The following ZMYM5 variants were observed in gnomAD, a reference collection of about 807,000 sequenced individuals.
ZMYM5 encodes the protein zinc finger MYM-type containing 5.
ZMYM5 carries 41 observed loss-of-function variants against 61.8 expected under a neutral mutation model. The observed-to-expected ratio is 0.66, with a 90% CI of 0.52 to 0.86. The LOEUF (loss-of-function observed/expected upper bound fraction) is 0.86, where lower values mean the gene tolerates loss of function less well. ZMYM5 is among the 40% of genes least tolerant of loss of function. ZMYM5 has a pLI of 0.00. For missense variants in ZMYM5, 706 were observed against 786.7 expected (o/e 0.90, Z 1.23); for synonymous variants, 257 against 276.4 (o/e 0.93, Z 0.70).
chr13:19,825,680 C>T (rs1271623487), intron 7 of ZMYM5, among the ~76,000 whole-genome samples: 1 of 150,156 alleles, frequency 6.7e-6, no homozygotes, highest in Non-Finnish European at 1.5e-5. Flanking sequence ...AAAAAGGTGA[C>T]AAGTCCCAAA....
rs752206338 is a variant in ZMYM5 at position 19,837,588 on chromosome 13, T to A, written c.1038+68A>T. On this transcript the variant is annotated intron_variant, in intron 6 of 7. Transcript: ENST00000337963. ...TGCATTATGTAGATGAAAGAGTACA[T>A]AATAGCACTTAAAAGTTAAAATTAT... 2.5e-6 allele frequency: 4 copies of A among 1,606,316 alleles called. No homozygotes were observed. The African/African-American group carries it at 4.0e-5, about 16-fold the overall frequency.
chr13:19,858,577 C>T (rs1052132263), intron 2 of ZMYM5, among the ~76,000 whole-genome samples: 1 of 98,268 alleles, frequency 1.0e-5, no homozygotes, highest in Non-Finnish European at 1.9e-5. Flanking sequence ...GACTGAGAGA[C>T]GCTGTTTCAA....
At chr13:19,844,500 A>G (rs1953006153) in intron 4 of ZMYM5, among the ~76,000 whole-genome samples, 4 of 152,248 alleles carry the variant, frequency 2.6e-5, no homozygotes. Flanking sequence ...GAGAAAATTC[A>G]TTAAAAATTT....
chr13:19,861,609 GT>G (rs1953765338), intron 2 of ZMYM5, among the ~76,000 whole-genome samples: 1 of 152,194 alleles, frequency 6.6e-6, no homozygotes, highest in African/African-American at 2.4e-5. Flanking sequence ...CTAATCACAA[GT>G]TTGTTTTTGA....
chr13:19,826,066 G>C (rs947832913), intron 7 of ZMYM5, among the ~76,000 whole-genome samples: 1 of 116,814 alleles, frequency 8.6e-6, no homozygotes, highest in Non-Finnish European at 1.8e-5. Context: ...AAAAAAAAAA[G>C]AGAGAACAAA....
At position 19,851,343 on chromosome 13, in the gene ZMYM5, C is replaced by T; in HGVS notation, c.586+12G>A. 1 of 1,605,438 alleles carries T rather than the reference C, an allele frequency of 6.2e-7. No homozygotes were observed. The highest frequency in any genetic ancestry group is 8.5e-7 in the Non-Finnish European group (1 of 1,172,082). The stretch of plus-strand genomic sequence containing the variant: ...TTTACTTGAGGTAGAAACAGTATCA[C>T]TTACTGCTTACCAGGACTATGATGA... On this transcript the variant is annotated intron_variant, in intron 4 of 7. Coordinates refer to ENST00000337963, the MANE Select transcript of ZMYM5 (RefSeq NM_001142684.2).
intron 2 of ZMYM5, among the ~76,000 whole-genome samples, chr13:19,856,046 AAACAAC>A (rs977316356): frequency 2.0e-5 from 3 of 151,918 alleles, no homozygotes; most frequent in Non-Finnish European, 4.4e-5. Context: ...AAAAACAAAC[AAACAAC>A]AACAACAACA....
intron 4 of ZMYM5, among the ~76,000 whole-genome samples, chr13:19,845,817 C>T (rs749740640): frequency 3.3e-5 from 5 of 152,174 alleles, no homozygotes; most frequent in Non-Finnish European, 7.3e-5. Context: ...GCCTGGCACA[C>T]TGATGTGTTC....
chr13:19,839,957 G>GA (rs1193310823), intron 4 of ZMYM5, among the ~76,000 whole-genome samples: 1 of 152,136 alleles, frequency 6.6e-6, no homozygotes, highest in African/African-American at 2.4e-5. Flanking sequence ...ATTACTTATA[G>GA]GCGAGATCCT....
rs550736460 is a variant in ZMYM5, at chr13:19,840,946, G to A, written c.587-1961C>T. Among the ~76,000 whole-genome samples, 6 of 150,718 alleles carry A rather than the reference G, an allele frequency of 4.0e-5. No homozygotes were observed. In the East Asian group the frequency reaches 9.8e-4, roughly 25 times the overall value. ...CCCGCCTTGGCCCCCCAAAGTGCTG[G>A]GATTACAGGCCTGAGCCACCGCGCC... On this transcript the variant is annotated intron_variant, in intron 4 of 7. Coordinates refer to ENST00000337963, the MANE Select transcript of ZMYM5 (RefSeq NM_001142684.2).
At chr13:19,830,843 T>C (rs1175736080) in intron 7 of ZMYM5, among the ~76,000 whole-genome samples, 3 of 146,724 alleles carry the variant, frequency 2.0e-5, no homozygotes, top group South Asian at 2.2e-4. Context: ...CTTTTTCTTT[T>C]TTTTTTTTTT....
chr13:19,824,764 T>C lies in ZMYM5; in HGVS notation c.1723A>G (p.Thr575Ala), dbSNP rs761706229. 1 of 1,360,486 alleles carries C rather than the reference T, an allele frequency of 7.4e-7. No individual in the cohort carries two copies. Among genetic ancestry groups the C allele is most frequent in the Non-Finnish European group, 9.8e-7 (1 of 1,018,042 alleles). The allele number at this position is 1,360,486 out of a possible 1,614,324, so 84.3% of individuals were successfully genotyped here. The change falls in exon 8 of 8, where the codon ACT becomes GCT. Residue 575 changes from threonine (T) to alanine (A), a missense_variant. Coordinates refer to ENST00000337963, the MANE Select transcript of ZMYM5 (RefSeq NM_001142684.2). ...GTTGAATAAAGTAACCAGGATCTAG[T>C]GGTTTTTTCACCATTTGGAAGAATC... ...TRILPNGEKT[T>A]RSWLLYSTSK...
At chr13:19,843,228 G>A (rs142444905) in intron 4 of ZMYM5, among the ~76,000 whole-genome samples, 1,822 of 149,972 alleles carry the variant, frequency 0.012, 37 homozygotes, top group African/African-American at 0.041. Flanking sequence ...AGTGATTCTC[G>A]TGCCTCAGTC....
chr13:19,845,381 T>C (rs1249540480), intron 4 of ZMYM5, among the ~76,000 whole-genome samples: 2 of 152,202 alleles, frequency 1.3e-5, no homozygotes, highest in South Asian at 2.1e-4. Context: ...CCTCTGGCAA[T>C]GGCACTAAAC....
chr13:19,826,439 A>G (rs1890920384), intron 7 of ZMYM5, among the ~76,000 whole-genome samples: 1 of 152,164 alleles, frequency 6.6e-6, no homozygotes, highest in Non-Finnish European at 1.5e-5. Flanking sequence ...ACTCCAAGGT[A>G]TATACCCAAA....
At chr13:19,826,365 CAAAAAAAT>C (rs1890916434) in intron 7 of ZMYM5, among the ~76,000 whole-genome samples, 1 of 150,352 alleles carries the variant, frequency 6.7e-6, no homozygotes, top group South Asian at 2.1e-4. Flanking sequence ...AAACAAAAAA[CAAAAAAAT>C]GAAACTGGAA....
In ZMYM5 at chr13:19,838,763, G is replaced by A; in HGVS notation, c.809C>T (p.Thr270Ile). 6.2e-7 allele frequency: 1 copy of A among 1,614,208 alleles called. No homozygotes were observed. ...ATGAGAGAAGGAAGAAAGGCAGGTG[G>A]TAGAGCAAAAGAGGTGAGCTGATCC... Reference protein sequence around the residue: ...RKGSAHLFCSTTCLSSFSHKR... With the variant: ...RKGSAHLFCSITCLSSFSHKR... Residue 270 changes from threonine to isoleucine, a missense_variant, in exon 5 of 8, where the codon ACC becomes ATC. Thr to Ile is a moderately conservative substitution (Grantham distance 89). This residue lies in a region of ZMYM5 where 480 missense variants were observed against 461.7 expected (regional missense o/e 1.04). Transcript: ENST00000337963.
At chr13:19,825,489 T>C in intron 7 of ZMYM5, among the ~76,000 whole-genome samples, 1 of 151,130 alleles carries the variant, frequency 6.6e-6, no homozygotes, top group Non-Finnish European at 1.5e-5. Flanking sequence ...CTACTAAAAA[T>C]ACAAAAATTA....
chr13:19,835,828 T>C, intron 6 of ZMYM5, 139 bp from the exon 7 acceptor site: 2 of 528,902 alleles, frequency 3.8e-6, no homozygotes, highest in Non-Finnish European at 5.7e-6. Context: ...GGGAAAAGAT[T>C]TTTTTTTTTT....
Sources: gnomAD v4.1 joint callset for allele counts (sites outside exome capture counted in the v4.1 genomes callset) on GRCh38, gnomAD v4.1.1 for gene constraint, gnomAD v4.1.1 regional missense constraint, MANE v1.5 for transcripts, NCBI Gene and HGNC (gene_info 2026-07-23, HGNC 2026-07-21) for gene names.